CFAP299: variants seen among roughly 807,000 people sequenced by gnomAD.
The protein encoded by CFAP299 is cilia- and flagella-associated protein 299.
Under a neutral mutation model 27.0 loss-of-function variants are expected in CFAP299, and 21 were observed. The observed-to-expected ratio is 0.78, with a 90% CI of 0.55 to 1.12. The LOEUF (loss-of-function observed/expected upper bound fraction) is 1.12. Among genes scored for constraint, CFAP299 ranks in the 50% most tolerant of loss-of-function variants. The pLI, the probability that CFAP299 is intolerant of heterozygous loss-of-function variation, is 0.00. For synonymous variants in CFAP299, 104 were observed against 98.1 expected (o/e 1.06, Z -0.36); for missense variants, 310 against 276.6 (o/e 1.12, Z -0.86).
intron 1 of CFAP299, among the ~76,000 whole-genome samples, chr4:80,343,716 G>C (rs1722582147): frequency 6.8e-6 from 1 of 148,030 alleles, no homozygotes; most frequent in Non-Finnish European, 1.5e-5. Flanking sequence ...GTGAACCCGG[G>C]AAGTGGAGCT....
chr4:80,708,935 T>TA (rs1447667366), intron 3 of CFAP299, among the ~76,000 whole-genome samples: 4 of 152,134 alleles, frequency 2.6e-5, no homozygotes, highest in Non-Finnish European at 4.4e-5. Context: ...GGGAACCAGA[T>TA]TATGTTTAGT....
chr4:80,692,149 C>G (rs921906917), intron 3 of CFAP299, among the ~76,000 whole-genome samples: 3 of 152,130 alleles, frequency 2.0e-5, no homozygotes, highest in Non-Finnish European at 4.4e-5. Flanking sequence ...AATGCCATCC[C>G]CATCAAGCTA....
rs554451542 is a variant in CFAP299 at position 80,467,351 on chromosome 4, C to T, written c.242+104467C>T. On this transcript the variant is annotated intron_variant, in intron 2 of 5. Coordinates refer to ENST00000358105, the MANE Select transcript of CFAP299 (RefSeq NM_152770.3). ...TAAGTCTATACCTTGATGTACCATT[C>T]TTACAACTTCCTAAAATGCAAAGCT... Among the ~76,000 whole-genome samples, 296 of 152,304 alleles carry T rather than the reference C, an allele frequency of 1.9e-3. 3 individuals carry two copies. The highest frequency in any genetic ancestry group is 0.013 in the South Asian group (63 of 4,830).
intron 3 of CFAP299, among the ~76,000 whole-genome samples, chr4:80,758,470 A>T (rs1251362812): frequency 6.6e-6 from 1 of 152,118 alleles, no homozygotes; most frequent in Non-Finnish European, 1.5e-5. Flanking sequence ...GGCCATAGGT[A>T]GTTTTGGAAA....
At position 80,871,288 on chromosome 4, in the gene CFAP299, C is replaced by A. The variant is rs998632763; in HGVS notation, c.476+1153C>A. ...ATTTAACTTCTCTCTTGCAGTAATG[C>A]CCATTGCCCATGTCTTTTTGATTTT... On this transcript the variant is annotated intron_variant, in intron 4 of 5. Transcript: ENST00000358105. The A allele has an allele frequency of 6.1e-6, 6 of 985,252 alleles. No homozygotes were observed. The African/African-American group carries it at 1.0e-4, about 17-fold the overall frequency. 61.0% of individuals were successfully genotyped at this position (985,252 alleles called of 1,614,324 possible).
chr4:80,858,915 G>C (rs1732117685), intron 3 of CFAP299, among the ~76,000 whole-genome samples: 1 of 152,154 alleles, frequency 6.6e-6, no homozygotes, highest in Admixed American at 6.5e-5. Flanking sequence ...TTCTGTAGAT[G>C]TCTATTAGGT....
At chr4:80,327,900 C>T in the CFAP299 span, among the ~76,000 whole-genome samples, 1 of 151,110 alleles carries the variant, frequency 6.6e-6, no homozygotes. Context: ...TAAAAAGTTA[C>T]ACTAATAAGA....
intron 2 of CFAP299, among the ~76,000 whole-genome samples, chr4:80,457,310 T>C (rs1016268917): frequency 1.4e-4 from 21 of 152,194 alleles, no homozygotes; most frequent in African/African-American, 4.3e-4. Context: ...GAAATTATTA[T>C]TGAGCCATGT....
At chr4:80,821,676 G>T (rs1270706711) in intron 3 of CFAP299, among the ~76,000 whole-genome samples, 1 of 152,140 alleles carries the variant, frequency 6.6e-6, no homozygotes, top group Admixed American at 6.5e-5. Flanking sequence ...AAAAGTTCCT[G>T]CTGTACAGGC....
intron 3 of CFAP299, among the ~76,000 whole-genome samples, chr4:80,801,909 T>C (rs1025580782): frequency 1.6e-4 from 25 of 152,126 alleles, no homozygotes; most frequent in Admixed American, 1.1e-3. Context: ...TTAAGTTTTT[T>C]ATTTATTTTC....
At chr4:80,563,532 G>A (rs978953056) in intron 2 of CFAP299, among the ~76,000 whole-genome samples, 2 of 151,900 alleles carry the variant, frequency 1.3e-5, no homozygotes, top group African/African-American at 4.8e-5. Context: ...CAAAATCTAT[G>A]GGATACAGCA....
In CFAP299 at chr4:80,438,860, T is replaced by C. The variant is rs574487368; in HGVS notation, c.242+75976T>C. 2.6e-5 allele frequency among the ~76,000 whole-genome samples: 4 copies of C among 152,334 alleles called. No individual in the cohort carries two copies. The East Asian group carries it at 7.7e-4, about 29-fold the overall frequency. On this transcript the variant is annotated intron_variant, in intron 2 of 5. Coordinates refer to ENST00000358105, the MANE Select transcript of CFAP299 (RefSeq NM_152770.3). ...TTTGTCTACTCATTTCCTTAAATAT[T>C]TTATGCTCCTCAGTCGATATTTACA...
rs536597954 is a variant in CFAP299, at chr4:80,787,197, A to AAT, written c.334-82784_334-82783dup. Among the ~76,000 whole-genome samples the AAT allele has an allele frequency of 2.3e-3, 340 of 147,902 alleles. 4 individuals are homozygous for AAT. Among genetic ancestry groups the AAT allele is most frequent in the African/African-American group, 6.5e-3 (264 of 40,712 alleles). ...GTCTTATCTCCTGGGCTGGGCATGGAATATATATATATAATATTTTATATA... is the reference window on the plus strand; with the variant it reads ...GTCTTATCTCCTGGGCTGGGCATGGAATATATATATATATAATATTTTATATA... On this transcript the variant is annotated intron_variant, in intron 3 of 5. Transcript: ENST00000358105.
chr4:80,773,448 A>G (rs1238635214), intron 3 of CFAP299, among the ~76,000 whole-genome samples: 3 of 152,162 alleles, frequency 2.0e-5, no homozygotes, highest in African/African-American at 4.8e-5. Flanking sequence ...CATGGTTGAC[A>G]TAGTAACTAA....
At chr4:80,530,239 G>A (rs958197783) in intron 2 of CFAP299, among the ~76,000 whole-genome samples, 1 of 152,052 alleles carries the variant, frequency 6.6e-6, no homozygotes, top group African/African-American at 2.4e-5. Flanking sequence ...AATCTGAAAT[G>A]TCAAGTGCAG....
chr4:80,914,533 T>C (rs1487627680), intron 4 of CFAP299, among the ~76,000 whole-genome samples: 4 of 152,098 alleles, frequency 2.6e-5, no homozygotes, highest in African/African-American at 7.2e-5. Flanking sequence ...TATTCAGACA[T>C]TGAAAAAAGG....
At chr4:80,870,250 G>A (rs1733004691) in intron 4 of CFAP299, 115 bp downstream of exon 4, 1 of 1,316,484 alleles carries the variant, frequency 7.6e-7, no homozygotes, top group African/African-American at 1.5e-5. Flanking sequence ...GATATAACTG[G>A]TTATTAATAT....
At chr4:80,930,467 A>G (rs78219478) in intron 4 of CFAP299, among the ~76,000 whole-genome samples, 1 of 152,168 alleles carries the variant, frequency 6.6e-6, no homozygotes, top group African/African-American at 2.4e-5. Context: ...TGACATCTGA[A>G]GTGGATGTTG....
chr4:80,771,061 A>G (rs994227005), intron 3 of CFAP299, among the ~76,000 whole-genome samples: 2 of 152,030 alleles, frequency 1.3e-5, no homozygotes, highest in African/African-American at 2.4e-5. Context: ...ATCTGTCCAC[A>G]CTCAAGGGGA....
Sources: gnomAD v4.1 joint callset for allele counts (sites outside exome capture counted in the v4.1 genomes callset) on GRCh38, gnomAD v4.1.1 for gene constraint, MANE v1.5 for transcripts, NCBI Gene and HGNC (gene_info 2026-07-23, HGNC 2026-07-21) for gene names.